QNG1: variants seen among roughly 807,000 people sequenced by gnomAD.
The protein encoded by QNG1 is Q-nucleotide N-glycosylase 1.
At chr9:83,948,311 G>A in the QNG1 span, among the ~76,000 whole-genome samples, 3 of 98,820 alleles carry the variant, frequency 3.0e-5, no homozygotes, top group African/African-American at 8.3e-5. Flanking sequence ...GAGCCCCTCC[G>A]CCCGGCAGCC....
chr9:83,948,955 C>T, the QNG1 span, among the ~76,000 whole-genome samples: 5,018 of 151,778 alleles, frequency 0.033, 256 homozygotes, highest in African/African-American at 0.11. Context: ...ACAAACACTG[C>T]GGAAGGCCGC....
chr9:83,942,407 G>A, the QNG1 span, among the ~76,000 whole-genome samples: 2 of 152,134 alleles, frequency 1.3e-5, no homozygotes, highest in African/African-American at 4.8e-5. Flanking sequence ...CTACGTCTTT[G>A]GTGAAGAGAT....
chr9:83,952,080 G>A, the QNG1 span, among the ~76,000 whole-genome samples: 5 of 152,122 alleles, frequency 3.3e-5, no homozygotes, highest in African/African-American at 1.2e-4. Context: ...TCCACCTCCT[G>A]GGCTCAAGCG....
the QNG1 span, chr9:83,956,598 G>T: frequency 2.0e-6 from 2 of 1,005,010 alleles, no homozygotes; most frequent in Non-Finnish European, 2.9e-6. Context: ...CGATCACAGG[G>T]CCTAAACAAG....
the QNG1 span, among the ~76,000 whole-genome samples, chr9:83,943,610 C>T: frequency 1.2e-4 from 18 of 152,264 alleles, no homozygotes; most frequent in Non-Finnish European, 1.6e-4. Context: ...AGCATAAAAA[C>T]CCAGTAGAGC....
the QNG1 span, among the ~76,000 whole-genome samples, chr9:83,941,932 T>C: frequency 6.7e-6 from 1 of 150,374 alleles, no homozygotes; most frequent in Admixed American, 6.6e-5. Context: ...GAAAAGAGGA[T>C]ACAAAGAGAC....
the QNG1 span, chr9:83,939,599 A>G: frequency 5.0e-6 from 8 of 1,614,012 alleles, no homozygotes; most frequent in Non-Finnish European, 6.8e-6. Flanking sequence ...GTAATAATCC[A>G]GAAGAATGGA....
At chr9:83,950,789 T>C in the QNG1 span, among the ~76,000 whole-genome samples, 5 of 151,898 alleles carry the variant, frequency 3.3e-5, no homozygotes, top group African/African-American at 2.4e-5. Context: ...TTTGCAGAGA[T>C]GAGGTTTCCC....
chr9:83,954,773 G>A, the QNG1 span, among the ~76,000 whole-genome samples: 2 of 141,400 alleles, frequency 1.4e-5, no homozygotes, highest in East Asian at 2.1e-4. Context: ...CCAGCTAGTC[G>A]GGAGACTGAG....
chr9:83,952,969 A>AC, the QNG1 span, among the ~76,000 whole-genome samples: 2 of 151,520 alleles, frequency 1.3e-5, no homozygotes, highest in African/African-American at 4.9e-5. Flanking sequence ...CAAAAAAAAA[A>AC]AAAAAAAGTA....
At chr9:83,944,990 CT>C in the QNG1 span, 9 of 1,594,808 alleles carry the variant, frequency 5.6e-6, no homozygotes, top group Non-Finnish European at 6.0e-6. Flanking sequence ...CTCTTTTCCC[CT>C]GATGAATGAA....
At chr9:83,953,612 C>T in the QNG1 span, 26 of 526,972 alleles carry the variant, frequency 4.9e-5, no homozygotes, top group Non-Finnish European at 8.3e-5. Context: ...CCCCAAAGTG[C>T]TGGGATTACA....
the QNG1 span, among the ~76,000 whole-genome samples, chr9:83,955,906 A>G: frequency 6.6e-6 from 1 of 152,210 alleles, no homozygotes; most frequent in South Asian, 2.1e-4. Flanking sequence ...TTCAGGTGTC[A>G]TTCAAATGGC....
chr9:83,950,239 G>A, the QNG1 span, among the ~76,000 whole-genome samples: 48 of 151,738 alleles, frequency 3.2e-4, no homozygotes, highest in Admixed American at 3.0e-3. Flanking sequence ...TAGTAGAGAC[G>A]GGGTTTCACC....
the QNG1 span, among the ~76,000 whole-genome samples, chr9:83,940,328 C>T: frequency 6.6e-6 from 1 of 152,026 alleles, no homozygotes. Context: ...GGTAGTATTG[C>T]CTGTAGTCCC....
At chr9:83,948,708 AAAG>A in the QNG1 span, among the ~76,000 whole-genome samples, 1 of 152,226 alleles carries the variant, frequency 6.6e-6, no homozygotes, top group African/African-American at 2.4e-5. Context: ...GTCCGTGTAG[AAAG>A]AAGTAGACAT....
the QNG1 span, chr9:83,955,741 G>A: frequency 1.8e-6 from 2 of 1,085,902 alleles, no homozygotes; most frequent in Non-Finnish European, 2.7e-6. Context: ...CAAATGAGTG[G>A]TATAGGAATG....
the QNG1 span, chr9:83,939,736 C>CA: frequency 1.9e-6 from 3 of 1,613,008 alleles, no homozygotes; most frequent in East Asian, 6.7e-5. Context: ...CATATGAGAG[C>CA]ATTTCTCCTG....
the QNG1 span, among the ~76,000 whole-genome samples, chr9:83,954,545 G>A: frequency 1.3e-5 from 2 of 151,552 alleles, no homozygotes; most frequent in Middle Eastern, 3.4e-3. Flanking sequence ...TAGTGCCACT[G>A]CACTCCAGCC....
Sources: gnomAD v4.1 joint callset for allele counts (sites outside exome capture counted in the v4.1 genomes callset) on GRCh38, gnomAD v4.1.1 for gene constraint, MANE v1.5 for transcripts, NCBI Gene and HGNC (gene_info 2026-07-23, HGNC 2026-07-21) for gene names.